OXR1: variants seen among roughly 807,000 people sequenced by gnomAD.
OXR1 encodes oxidation resistance protein 1.
Under a neutral mutation model 104.6 loss-of-function variants are expected in OXR1, and 41 were observed. The observed-to-expected ratio is 0.39, with a 90% CI of 0.31 to 0.51. The LOEUF (loss-of-function observed/expected upper bound fraction) is 0.51, where lower values mean the gene tolerates loss of function less well. OXR1 is among the 20% of genes least tolerant of loss of function. The pLI, the probability that OXR1 is intolerant of heterozygous loss-of-function variation, is 0.77. For synonymous variants in OXR1, 348 were observed against 348.4 expected (o/e 1.00, Z 0.01); for missense variants, 955 against 1,031.9 (o/e 0.93, Z 1.02).
chr8:106,629,417 G>A (rs1270216268), intron 3 of OXR1, among the ~76,000 whole-genome samples: 1 of 152,162 alleles, frequency 6.6e-6, no homozygotes, highest in Non-Finnish European at 1.5e-5. Flanking sequence ...TAAGTTCTAT[G>A]AATAGGGCTT....
intron 6 of OXR1, among the ~76,000 whole-genome samples, chr8:106,686,862 T>C (rs1828784459): frequency 1.3e-5 from 2 of 152,224 alleles, no homozygotes; most frequent in Non-Finnish European, 2.9e-5. Flanking sequence ...TTTTTCACTT[T>C]TTTTTGTTCA....
chr8:106,295,351 A>G (rs1376767446), intron 1 of OXR1, among the ~76,000 whole-genome samples: 1 of 152,186 alleles, frequency 6.6e-6, no homozygotes, highest in Non-Finnish European at 1.5e-5. Context: ...TTCAAAAATA[A>G]AGGACATTAT....
At chr8:106,548,153 T>C (rs1403108950) in intron 3 of OXR1, among the ~76,000 whole-genome samples, 1 of 152,250 alleles carries the variant, frequency 6.6e-6, no homozygotes, top group Non-Finnish European at 1.5e-5. Flanking sequence ...GTATTTGTTT[T>C]TAATAATAGT....
In OXR1 at chr8:106,378,500, TTTG is replaced by T. The variant is rs371137128; in HGVS notation, c.23+18885_23+18887del. On this transcript the variant is annotated intron_variant, in intron 2 of 16. Transcript: ENST00000517566. ...TAATCTCATTCGCTGACATCTGACT[TTTG>T]TTGTTGTTGTTGTTGTTGTTTTTGA... Among the ~76,000 whole-genome samples, 1,160 of 152,168 alleles carry T rather than the reference TTTG, an allele frequency of 7.6e-3. 16 individuals are homozygous for T. The highest frequency in any genetic ancestry group is 0.025 in the African/African-American group (1,059 of 41,534).
chr8:106,515,518 T>C (rs534216678), intron 2 of OXR1, among the ~76,000 whole-genome samples: 1 of 152,156 alleles, frequency 6.6e-6, no homozygotes, highest in Non-Finnish European at 1.5e-5. Flanking sequence ...TTAGATTCCA[T>C]ATAAGTCACA....
At chr8:106,657,698 T>C (rs911517398) in intron 3 of OXR1, 7 of 383,354 alleles carry the variant, frequency 1.8e-5, no homozygotes, top group Admixed American at 5.3e-5. Flanking sequence ...CCAGGAAGAA[T>C]ACACCTATGT....
chr8:106,508,253 G>T (rs1586736410), intron 2 of OXR1, among the ~76,000 whole-genome samples: 1 of 152,198 alleles, frequency 6.6e-6, no homozygotes, highest in East Asian at 1.9e-4. Flanking sequence ...TTCTGTAATA[G>T]AAAGAAAAGT....
chr8:106,310,444 C>T (rs1236114178), intron 1 of OXR1, among the ~76,000 whole-genome samples: 1 of 152,126 alleles, frequency 6.6e-6, no homozygotes, highest in Non-Finnish European at 1.5e-5. Flanking sequence ...CTGTCATGCA[C>T]CATTTCCCTT....
At chr8:106,292,613 T>C (rs1170004572) in intron 1 of OXR1, among the ~76,000 whole-genome samples, 1 of 152,212 alleles carries the variant, frequency 6.6e-6, no homozygotes, top group African/African-American at 2.4e-5. Context: ...GAGGGACTAC[T>C]GTACATAATA....
At chr8:106,278,430 CTACTAAGATTTA>C (rs1402055573) in intron 1 of OXR1, among the ~76,000 whole-genome samples, 1 of 151,726 alleles carries the variant, frequency 6.6e-6, no homozygotes, top group African/African-American at 2.4e-5. Flanking sequence ...TACAGGAAGG[CTACTAAGATTTA>C]TGTACAAACA....
At chr8:106,484,625 T>TA (rs1243879018) in intron 2 of OXR1, among the ~76,000 whole-genome samples, 1 of 151,944 alleles carries the variant, frequency 6.6e-6, no homozygotes, top group Admixed American at 6.6e-5. Flanking sequence ...GAGATACCAC[T>TA]ACACACCTAT....
intron 3 of OXR1, among the ~76,000 whole-genome samples, chr8:106,666,027 T>G (rs1010007632): frequency 6.6e-6 from 1 of 152,310 alleles, no homozygotes; most frequent in Non-Finnish European, 1.5e-5. Flanking sequence ...AAGTACAGAC[T>G]TCAGTTTCAA....
At chr8:106,749,003 A>G (rs1416229074) in intron 16 of OXR1, among the ~76,000 whole-genome samples, 2 of 152,138 alleles carry the variant, frequency 1.3e-5, no homozygotes, top group Non-Finnish European at 2.9e-5. Context: ...ATTACAGAGT[A>G]TAAATAAATA....
chr8:106,477,804 T>A (rs1019418414), intron 2 of OXR1, among the ~76,000 whole-genome samples: 2 of 151,924 alleles, frequency 1.3e-5, no homozygotes, highest in African/African-American at 4.8e-5. Context: ...ATAGTGTAAT[T>A]TTTTTATTAT....
chr8:106,455,624 G>T (rs1317508407), intron 2 of OXR1, among the ~76,000 whole-genome samples: 1 of 152,118 alleles, frequency 6.6e-6, no homozygotes, highest in Admixed American at 6.6e-5. Flanking sequence ...AAAGGAACAG[G>T]TGATGACCCC....
chr8:106,667,864 A>G (rs1826507691), intron 3 of OXR1, among the ~76,000 whole-genome samples: 1 of 151,940 alleles, frequency 6.6e-6, no homozygotes, highest in African/African-American at 2.4e-5. Flanking sequence ...ATATAGAAGG[A>G]TGGATGGGTG....
intron 1 of OXR1, among the ~76,000 whole-genome samples, chr8:106,318,379 C>G (rs1209737139): frequency 6.6e-6 from 1 of 152,176 alleles, no homozygotes; most frequent in Non-Finnish European, 1.5e-5. Context: ...GTAATCTCTT[C>G]CTTGCTCAGA....
intron 11 of OXR1, among the ~76,000 whole-genome samples, chr8:106,728,330 AC>A (rs1833546882): frequency 6.6e-6 from 1 of 151,650 alleles, no homozygotes; most frequent in Admixed American, 6.6e-5. Context: ...CTTCGTCTTT[AC>A]CCAACAAATA....
At chr8:106,493,818 T>G (rs1466729416) in intron 2 of OXR1, among the ~76,000 whole-genome samples, 6 of 152,140 alleles carry the variant, frequency 3.9e-5, no homozygotes, top group African/African-American at 1.4e-4. Context: ...GAAGGCTAAT[T>G]TAGTATTACA....
Sources: gnomAD v4.1 joint callset for allele counts (sites outside exome capture counted in the v4.1 genomes callset) on GRCh38, gnomAD v4.1.1 for gene constraint, MANE v1.5 for transcripts, NCBI Gene and HGNC (gene_info 2026-07-23, HGNC 2026-07-21) for gene names.